The following PHF24 variants were observed in gnomAD, a reference collection of about 807,000 sequenced individuals.
PHF24 encodes the protein PHD finger protein 24, also known as Galpha inhibitory interacting protein.
A neutral mutation model predicts 42.6 loss-of-function variants in PHF24; 25 were observed. That is an observed-to-expected ratio of 0.59 (90% CI 0.43 to 0.82). PHF24 has a LOEUF of 0.82. PHF24 is among the 40% of genes least tolerant of loss of function. The pLI is 0.00. For missense variants in PHF24, 470 were observed against 538.1 expected, an observed-to-expected ratio of 0.87 and a Z score of 1.25; for synonymous variants, 185 against 204.8, an observed-to-expected ratio of 0.90 and a Z score of 0.83.
chr9:34,698,231 G>A, the PHF24 span, among the ~76,000 whole-genome samples: 1 of 151,542 alleles, frequency 6.6e-6, no homozygotes, highest in Non-Finnish European at 1.5e-5. Context: ...TGGGTGGGGG[G>A]CTGGGGGATC....
chr9:34,715,966 A>G, the PHF24 span, among the ~76,000 whole-genome samples: 34 of 152,316 alleles, frequency 2.2e-4, no homozygotes, highest in Non-Finnish European at 4.6e-4. Context: ...GGCAAGAGCC[A>G]GGGAGGGGTA....
At chr9:34,730,181 A>G in the PHF24 span, among the ~76,000 whole-genome samples, 1 of 152,014 alleles carries the variant, frequency 6.6e-6, no homozygotes, top group Non-Finnish European at 1.5e-5. Context: ...TCATGGTTGG[A>G]TGTATGCTGT....
At chr9:34,863,535 A>G in the PHF24 span, among the ~76,000 whole-genome samples, 2 of 152,318 alleles carry the variant, frequency 1.3e-5, no homozygotes, top group South Asian at 2.1e-4. Context: ...GTCTTATTCA[A>G]GATTACCAAG....
chr9:34,909,879 A>G, the PHF24 span, among the ~76,000 whole-genome samples: 28 of 152,136 alleles, frequency 1.8e-4, no homozygotes, highest in South Asian at 4.1e-4. Flanking sequence ...TGCCCGCCTT[A>G]GCCTCCCAAA....
chr9:34,771,874 GTCAA>G, the PHF24 span, among the ~76,000 whole-genome samples: 3 of 152,192 alleles, frequency 2.0e-5, no homozygotes, highest in Non-Finnish European at 4.4e-5. Context: ...GGAGGCTTCA[GTCAA>G]ACAGATCAAT....
the PHF24 span, among the ~76,000 whole-genome samples, chr9:34,898,897 C>T: frequency 1.3e-5 from 2 of 152,230 alleles, no homozygotes; most frequent in Non-Finnish European, 2.9e-5. Context: ...CTACTGAAAA[C>T]TCCACTCCAG....
the PHF24 span, chr9:34,709,501 T>C: frequency 6.2e-7 from 1 of 1,614,002 alleles, no homozygotes; most frequent in East Asian, 2.2e-5. Flanking sequence ...ATTCCTCACC[T>C]CTTGCAGCCT....
At chr9:34,813,941 A>G in the PHF24 span, among the ~76,000 whole-genome samples, 1 of 152,224 alleles carries the variant, frequency 6.6e-6, no homozygotes, top group African/African-American at 2.4e-5. Context: ...CATTTCATTC[A>G]GCCAGATAGG....
At chr9:34,922,734 G>A in the PHF24 span, 6 of 1,582,228 alleles carry the variant, frequency 3.8e-6, no homozygotes, top group Non-Finnish European at 4.3e-6. Flanking sequence ...TTCAATACTT[G>A]AGACGATGCT....
chr9:34,765,225 G>T, the PHF24 span, among the ~76,000 whole-genome samples: 3 of 152,132 alleles, frequency 2.0e-5, no homozygotes, highest in Non-Finnish European at 4.4e-5. Context: ...TCCGCTTGGT[G>T]CAGAGCTGAG....
the PHF24 span, chr9:34,724,013 CT>C: frequency 5.2e-6 from 8 of 1,547,538 alleles, no homozygotes; most frequent in Non-Finnish European, 7.0e-6. Flanking sequence ...AGCAGGGCGT[CT>C]CTCTTCTCTG....
the PHF24 span, chr9:34,922,448 C>G: frequency 7.3e-7 from 1 of 1,367,618 alleles, no homozygotes; most frequent in Non-Finnish European, 1.0e-6. Context: ...GTTGCATTTC[C>G]TTTTTGCTGA....
chr9:34,781,786 G>A, the PHF24 span, among the ~76,000 whole-genome samples: 5 of 152,010 alleles, frequency 3.3e-5, no homozygotes, highest in Admixed American at 1.3e-4. Flanking sequence ...ATCATTTTCT[G>A]TAGGGGGAGA....
the PHF24 span, among the ~76,000 whole-genome samples, chr9:34,732,142 G>A: frequency 1.4e-3 from 215 of 151,912 alleles, 1 homozygote; most frequent in African/African-American, 4.6e-3. Flanking sequence ...GGTTACAGGC[G>A]TGAGCCTATT....
At chr9:34,945,010 C>T in the PHF24 span, among the ~76,000 whole-genome samples, 1 of 152,126 alleles carries the variant, frequency 6.6e-6, no homozygotes, top group Non-Finnish European at 1.5e-5. Context: ...TGCAAAGCAT[C>T]AATTCAGCTT....
At chr9:34,812,819 C>T in the PHF24 span, among the ~76,000 whole-genome samples, 260 of 152,168 alleles carry the variant, frequency 1.7e-3, 1 homozygote, top group Non-Finnish European at 3.1e-3. Context: ...GGAACTATCC[C>T]GATTGTTCCT....
At chr9:34,826,618 T>A in the PHF24 span, among the ~76,000 whole-genome samples, 1 of 152,242 alleles carries the variant, frequency 6.6e-6, no homozygotes, top group African/African-American at 2.4e-5. Flanking sequence ...ACAAGTGATG[T>A]TGTGGAGAAG....
chr9:34,683,965 A>G, the PHF24 span, among the ~76,000 whole-genome samples: 9 of 152,306 alleles, frequency 5.9e-5, no homozygotes, highest in Admixed American at 1.3e-4. Flanking sequence ...TTGGAGGCCT[A>G]TCTGGACCAT....
At chr9:34,798,573 C>T in the PHF24 span, among the ~76,000 whole-genome samples, 3 of 152,182 alleles carry the variant, frequency 2.0e-5, no homozygotes, top group Non-Finnish European at 4.4e-5. Flanking sequence ...GCAGGGTATT[C>T]CATGGTGCAT....
Sources: gnomAD v4.1 joint callset for allele counts (sites outside exome capture counted in the v4.1 genomes callset) on GRCh38, gnomAD v4.1.1 for gene constraint, MANE v1.5 for transcripts, NCBI Gene and HGNC (gene_info 2026-07-23, HGNC 2026-07-21) for gene names.